Variants in NXF3 observed in about 807,000 individuals in gnomAD.
NXF3 encodes the protein nuclear RNA export factor 3.
In NXF3, 34 loss-of-function variants were observed where a neutral mutation model predicts 48.4. The ratio of observed to expected loss-of-function variants is 0.70; its 90% CI spans 0.53 to 0.93. NXF3 has a LOEUF of 0.93. Among genes scored for constraint, NXF3 ranks in the 40% least tolerant of loss-of-function variants. The probability of loss-of-function intolerance (pLI) is 0.00; values close to 1 mark genes in which losing one functional copy is unlikely to be tolerated. For missense variants in NXF3, 359 were observed against 406.1 expected (o/e 0.88, Z 1.00); for synonymous variants, 132 against 145.7 (o/e 0.91, Z 0.68).
rs1922037202 is a variant in NXF3 at position 103,082,339 on chromosome X, T to C, written c.806A>G (p.Lys269Arg). Residue 269 changes from lysine to arginine, a missense_variant, in exon 9 of 20, where the codon AAG (lysine) becomes AGG (arginine). By Grantham distance (26) the Lys-to-Arg change is conservative. Coordinates refer to ENST00000395065, the MANE Select transcript of NXF3 (RefSeq NM_022052.2). The stretch of plus-strand genomic sequence containing the variant: ...CTCTCCTGGCTCTATCCCTTTCCAC[T>C]TGTCCATCTCCCCTGCAGACATCAC... Reference protein sequence around the residue: ...PTVMSAGEMDKWKGIEPGEKC... With the variant: ...PTVMSAGEMDRWKGIEPGEKC... The C allele has an allele frequency of 8.3e-7, 1 of 1,204,458 alleles. No homozygotes were observed. The highest frequency in any genetic ancestry group is 1.1e-6 in the Non-Finnish European group (1 of 891,173).
chrX:103,087,652 G>T, intron 1 of NXF3: 1 of 1,010,463 alleles, frequency 9.9e-7, no homozygotes, highest in South Asian at 1.9e-5. Flanking sequence ...CATATAGCAT[G>T]AAGAGAAGAA....
intron 1 of NXF3, among the ~76,000 whole-genome samples, chrX:103,089,889 CA>C (rs1200384729): frequency 9.1e-6 from 1 of 110,197 alleles, no homozygotes; most frequent in Non-Finnish European, 1.9e-5. Flanking sequence ...TTCACTTCTT[CA>C]GGTGATTAAG....
chrX:103,092,822 A>C (rs1351072086), intron 1 of NXF3, among the ~76,000 whole-genome samples, 174 bp downstream of exon 1: 1 of 112,488 alleles, frequency 8.9e-6, no homozygotes, highest in Non-Finnish European at 1.9e-5. Flanking sequence ...CTCATACCTC[A>C]AACCCTGGCC....
In NXF3 at chrX:103,093,069, C is replaced by A. The variant is rs1387435910; in HGVS notation, c.-46G>T. 5 of 1,144,172 alleles carry A rather than the reference C, an allele frequency of 4.4e-6. No individual in the cohort carries two copies. The highest frequency in any genetic ancestry group is 6.0e-6 in the Non-Finnish European group (5 of 837,015). 94.3% of individuals were successfully genotyped at this position (1,144,172 alleles called of 1,213,427 possible). On this transcript the variant is annotated 5_prime_UTR_variant, in exon 1 of 20. Transcript: ENST00000395065. ...GCTCTCTTGAGGAGAATCTGTGTGG[C>A]CTGGGGACGGGAGTTTGGAGAAGAT... is the stretch of plus-strand genomic sequence containing the variant.
Position 103,077,640 on chromosome X carries a change from C to T in NXF3, c.1558G>A (p.Ala520Thr). 1 of 1,209,296 alleles carries T rather than the reference C, an allele frequency of 8.3e-7. No individual in the cohort carries two copies. The highest frequency in any genetic ancestry group is 1.1e-6 in the Non-Finnish European group (1 of 894,913). ...ATTTTCTGCTGCTCCTGGGAGAAGG[C>T]AGGCACGGAGCTGGAGAAGGCTGTG... Reference protein sequence around the residue: ...VPTAFSSSVPAFSQEQQKMLP... With the variant: ...VPTAFSSSVPTFSQEQQKMLP... Residue 520 changes from alanine (A) to threonine (T), a missense_variant, in exon 18 of 20, where the codon GCC becomes ACC. Transcript: ENST00000395065.
In NXF3 at chrX:103,080,184, A is replaced by G. The variant is rs1434966890; in HGVS notation, c.960T>C (p.Cys320=). Residue 320 remains cysteine (C), a synonymous_variant, in exon 11 of 20, where the codon TGT becomes TGC. Coordinates refer to ENST00000395065, the MANE Select transcript of NXF3 (RefSeq NM_022052.2). ...GTAACCTCTTGTGGGCTTCAGTACCACATAAAGTTGCTCTGGGTGACTGCT... is the reference window on the plus strand; with the variant it reads ...GTAACCTCTTGTGGGCTTCAGTACCGCATAAAGTTGCTCTGGGTGACTGCT... The part of the protein sequence containing the change: ...DGQQSPRATL[C]GTEAHKRLPT... 2 of 1,211,459 alleles carry G rather than the reference A, an allele frequency of 1.7e-6. No homozygotes were observed. Among genetic ancestry groups the G allele is most frequent in the Non-Finnish European group, 2.2e-6 (2 of 895,453 alleles).
intron 1 of NXF3, among the ~76,000 whole-genome samples, chrX:103,085,771 C>T (rs1423695898): frequency 9.2e-6 from 1 of 108,603 alleles, no homozygotes; most frequent in Non-Finnish European, 1.9e-5. Context: ...GGCGTGATGG[C>T]GGGCGCCTGT....
intron 1 of NXF3, chrX:103,089,075 G>A: frequency 2.8e-6 from 3 of 1,056,581 alleles, no homozygotes; most frequent in Non-Finnish European, 4.0e-6. Context: ...ATGTCTTCCT[G>A]TACCGACGCA....
intron 17 of NXF3, 42 bp downstream of exon 17, chrX:103,078,518 C>T (rs56046048): frequency 1.7e-6 from 2 of 1,209,490 alleles, no homozygotes; most frequent in Admixed American, 2.2e-5. Flanking sequence ...ACCACTGGCC[C>T]CAGGTTGGGA....
chrX:103,085,417 C>T lies in NXF3; in HGVS notation c.29-534G>A, dbSNP rs1461796469. Among the ~76,000 whole-genome samples, 6 of 111,621 alleles carry T rather than the reference C, an allele frequency of 5.4e-5. No individual in the cohort carries two copies. In the East Asian group the frequency reaches 1.7e-3, roughly 31 times the overall value. On this transcript the variant is annotated intron_variant, in intron 1 of 19. Transcript: ENST00000395065. ...TATCATCTGTAACCCTAAATTCCCA[C>T]CTCTAATTGGAGAATAATAAAATCT...
chrX:103,089,332 T>C (rs1489164320), intron 1 of NXF3: 1 of 361,224 alleles, frequency 2.8e-6, no homozygotes, highest in Non-Finnish European at 4.7e-6. Context: ...TTTTAAAGCC[T>C]GTATTATTTA....
At chrX:103,091,579 G>C (rs1922274954) in intron 1 of NXF3, among the ~76,000 whole-genome samples, 3 of 109,962 alleles carry the variant, frequency 2.7e-5, no homozygotes, top group Non-Finnish European at 5.7e-5. Flanking sequence ...GGGCAGGGTA[G>C]GGGGGGTCCT....
chrX:103,077,218 C>T (rs1569279050), intron 18 of NXF3, among the ~76,000 whole-genome samples: 1 of 106,819 alleles, frequency 9.4e-6, no homozygotes. Flanking sequence ...AATCACTAAT[C>T]ACCATACACA....
At chrX:103,082,909 A>G in intron 7 of NXF3, 61 bp from the exon 8 acceptor site, 4 of 1,131,607 alleles carry the variant, frequency 3.5e-6, no homozygotes, top group Non-Finnish European at 4.9e-6. Flanking sequence ...GTACAGCATC[A>G]GCACTAACCC....
chrX:103,088,280 G>C, intron 1 of NXF3: 2 of 581,445 alleles, frequency 3.4e-6, no homozygotes, highest in Non-Finnish European at 5.5e-6. Flanking sequence ...TTTAAAAAGA[G>C]ATTCTTGAAA....
At chrX:103,077,800 G>A (rs1302456352) in intron 17 of NXF3, 54 bp from the exon 18 acceptor site, 3 of 1,169,245 alleles carry the variant, frequency 2.6e-6, no homozygotes, top group Non-Finnish European at 3.5e-6. Flanking sequence ...CTCCCCACCC[G>A]CTACAAGGAT....
rs757009785 is a variant in NXF3 at position 103,091,749 on chromosome X, GC to G, written c.28+1246del. On this transcript the variant is annotated intron_variant, in intron 1 of 19. Transcript: ENST00000395065. Reference sequence around the variant, plus strand: ...GCCTGTAATCCCAGCACTTTGGGAGGCCGAGACAGGTGGATCACGAGGTCAG... The same window carrying G: ...GCCTGTAATCCCAGCACTTTGGGAGGCGAGACAGGTGGATCACGAGGTCAG... Among the ~76,000 whole-genome samples, 4 of 110,772 alleles carry G rather than the reference GC, an allele frequency of 3.6e-5. No homozygotes were observed. In the East Asian group the frequency reaches 1.1e-3, roughly 31 times the overall value.
chrX:103,088,823 A>C (rs1922213528), intron 1 of NXF3: 1 of 1,149,300 alleles, frequency 8.7e-7, no homozygotes, highest in African/African-American at 1.8e-5. Context: ...TAGAATTTGG[A>C]AACTTGAACA....
At chrX:103,088,389 T>TA (rs34088564) in intron 1 of NXF3, 127,831 of 492,896 alleles carry the variant, frequency 0.26, 9,771 homozygotes, top group Admixed American at 0.38. Flanking sequence ...CAATTGGCAA[T>TA]AAAAAAAAAC....
Sources: gnomAD v4.1 joint callset for allele counts (sites outside exome capture counted in the v4.1 genomes callset) on GRCh38, gnomAD v4.1.1 for gene constraint, MANE v1.5 for transcripts, NCBI Gene and HGNC (gene_info 2026-07-23, HGNC 2026-07-21) for gene names.